PNPO: variants seen among roughly 807,000 people sequenced by gnomAD.
PNPO encodes pyridoxamine 5'-phosphate oxidase.
In PNPO, 39 loss-of-function variants were observed where a neutral mutation model predicts 35.0. The ratio of observed to expected loss-of-function variants is 1.11; its 90% CI spans 0.86 to 1.45. The LOEUF is 1.45. PNPO is among the 40% of genes most tolerant of loss of function. The pLI is 0.00. For missense variants in PNPO, 288 were observed against 340.0 expected, an observed-to-expected ratio of 0.85 and a Z score of 1.20; for synonymous variants, 115 against 119.8, an observed-to-expected ratio of 0.96 and a Z score of 0.26.
intron 1 of PNPO, chr17:47,942,167 T>G: frequency 8.0e-6 from 4 of 498,874 alleles, no homozygotes; most frequent in African/African-American, 4.0e-5. Flanking sequence ...TGGTCTAAGA[T>G]GTTTGTAAAG....
Position 47,946,328 on chromosome 17 carries a change from G to A in PNPO, c.552G>A (p.Leu184=), listed in dbSNP as rs4378657. ...QSSVIPDREY[L]RKKNEELEQL... ...TAACTCTTCCCCCTGGACAGTATCT[G>A]AGAAAGAAAAATGAGGAACTGGAAC... Residue 184 remains leucine, a synonymous_variant, in exon 6 of 7, where the codon CTG becomes CTA. Transcript: ENST00000642017. 118,836 of 1,610,284 alleles carry A rather than the reference G, an allele frequency of 0.074. 4,933 individuals are homozygous for A. Among genetic ancestry groups the A allele is most frequent in the Middle Eastern group, 0.1 (607 of 6,050 alleles).
In PNPO at chr17:47,945,752, G is replaced by A. The variant is rs576445502; in HGVS notation, c.418-109G>A. On this transcript the variant is annotated intron_variant, in intron 4 of 6. Transcript: ENST00000642017. The surrounding 1 kb of genome is among the most constrained non-coding windows in gnomAD (Gnocchi z 4.0). Reference sequence around the variant, plus strand: ...CCTCTAAAATAGCCCTCAGTTAGTTGGAGCCAAGAGTGGTGGGGCAGCCGA... The same window carrying A: ...CCTCTAAAATAGCCCTCAGTTAGTTAGAGCCAAGAGTGGTGGGGCAGCCGA... 2.3e-5 allele frequency: 34 copies of A among 1,497,716 alleles called. No homozygotes were observed. In the South Asian group the frequency reaches 3.0e-4, roughly 13 times the overall value. The allele number at this position is 1,497,716 out of a possible 1,614,324, so 92.8% of individuals were successfully genotyped here. A position where few individuals can be genotyped will look rare whatever the true frequency, so the allele number is the denominator to read the frequency against.
rs565690260 is a variant in PNPO, at chr17:47,945,470, G to A, written c.364-89G>A. 7 of 977,088 alleles carry A rather than the reference G, an allele frequency of 7.2e-6. No individual in the cohort carries two copies. The highest frequency in any genetic ancestry group is 3.4e-5 in the Admixed American group (2 of 59,192). 60.5% of individuals were successfully genotyped at this position (977,088 alleles called of 1,614,324 possible). A position where few individuals can be genotyped will look rare whatever the true frequency, so the allele number is the denominator to read the frequency against. Reference sequence around the variant, plus strand: ...GTGGGTGCATCTGCTGTGGGCCTGCGCACTACAGCTCTCCTGCCTTTTCCC... The same window carrying A: ...GTGGGTGCATCTGCTGTGGGCCTGCACACTACAGCTCTCCTGCCTTTTCCC... On this transcript the variant is annotated intron_variant, in intron 3 of 6. Coordinates refer to ENST00000642017, the MANE Select transcript of PNPO (RefSeq NM_018129.4). The surrounding 1 kb of genome is among the most constrained non-coding windows in gnomAD (Gnocchi z 4.0).
At position 47,947,065 on chromosome 17, in the gene PNPO, G is replaced by A; in HGVS notation, c.*283G>A. On this transcript the variant is annotated 3_prime_UTR_variant, in exon 7 of 7. Transcript: ENST00000642017. ...TTGATTAGGATAGCTCCCTCTAGGG[G>A]TAGCAGCCGGTGTGACTCCCTTTCT... The A allele has an allele frequency of 2.4e-6, 1 of 412,900 alleles. No individual in the cohort carries two copies. Among genetic ancestry groups the A allele is most frequent in the South Asian group, 2.4e-5 (1 of 41,892 alleles). The allele number at this position is 412,900 out of a possible 1,614,324, so 25.6% of individuals were successfully genotyped here.
At position 47,948,971 on chromosome 17, in the gene PNPO, CTA is replaced by C. The variant is rs1050930604; in HGVS notation, c.*2191_*2192del. On this transcript the variant is annotated 3_prime_UTR_variant, in exon 7 of 7. Coordinates refer to ENST00000642017, the MANE Select transcript of PNPO (RefSeq NM_018129.4). ...CCTGCATGGACCTGTGCCTCAGTCA[CTA>C]TTATCCGCAGGCCTTCTCCAAGGGC... The C allele has an allele frequency of 4.6e-5, 7 of 152,400 alleles. No individual in the cohort carries two copies. The highest frequency in any genetic ancestry group is 7.3e-5 in the Non-Finnish European group (5 of 68,174). 9.4% of individuals were successfully genotyped at this position (152,400 alleles called of 1,614,324 possible). A position where few individuals can be genotyped will look rare whatever the true frequency, so the allele number is the denominator to read the frequency against.
chr17:47,946,042 C>T, intron 5 of PNPO, 53 bp downstream of exon 5: 1 of 1,606,770 alleles, frequency 6.2e-7, no homozygotes, highest in Non-Finnish European at 8.5e-7. Context: ...TGGCTTATCC[C>T]CAGAAGCTGT....
In PNPO at chr17:47,948,103, A is replaced by G. The variant is rs1567714838; in HGVS notation, c.*1321A>G. 6.6e-6 allele frequency: 1 copy of G among 152,208 alleles called. No homozygotes were observed. Among genetic ancestry groups the G allele is most frequent in the Non-Finnish European group, 1.5e-5 (1 of 68,032 alleles). The allele number at this position is 152,208 out of a possible 1,614,324, so 9.4% of individuals were successfully genotyped here. A position where few individuals can be genotyped will look rare whatever the true frequency, so the allele number is the denominator to read the frequency against. On this transcript the variant is annotated 3_prime_UTR_variant, in exon 7 of 7. Transcript: ENST00000642017. The stretch of plus-strand genomic sequence containing the variant: ...CCTGCCTGAGAAGGAGTGGGCTGTC[A>G]CTAGGAATTTTTATTCCCAGTCCGT...
intron 2 of PNPO, 32 bp from the exon 3 acceptor site, chr17:47,944,582 ACT>A: frequency 6.6e-7 from 1 of 1,522,448 alleles, no homozygotes; most frequent in Non-Finnish European, 9.1e-7. Flanking sequence ...ATTGAAGCAG[ACT>A]CTGACCACAG....
Position 47,946,634 on chromosome 17 carries a change from C to T in PNPO, c.638C>T (p.Pro213Leu). 6.2e-7 allele frequency: 1 copy of T among 1,614,222 alleles called. No homozygotes were observed. The highest frequency in any genetic ancestry group is 8.5e-7 in the Non-Finnish European group (1 of 1,180,038). ...PKSWGGYVLYPQVMEFWQGQT... is the reference protein window; with the variant it reads ...PKSWGGYVLYLQVMEFWQGQT... ...TATAGGGGTGGCTATGTCCTGTACCCTCAGGTGATGGAGTTCTGGCAAGGT... is the reference window on the plus strand; with the variant it reads ...TATAGGGGTGGCTATGTCCTGTACCTTCAGGTGATGGAGTTCTGGCAAGGT... Residue 213 changes from proline to leucine, a missense_variant, in exon 7 of 7, where the codon CCT (proline) becomes CTT (leucine). Pro to Leu is a moderately conservative substitution (Grantham distance 98, BLOSUM62 -3). Coordinates refer to ENST00000642017, the MANE Select transcript of PNPO (RefSeq NM_018129.4).
In PNPO at chr17:47,941,737, AC is replaced by A. The variant is rs1158585311; in HGVS notation, c.64del (p.Leu22SerfsTer32). The A allele has an allele frequency of 6.4e-7, 1 of 1,553,378 alleles. No individual in the cohort carries two copies. Among genetic ancestry groups the A allele is most frequent in the African/African-American group, 1.4e-5 (1 of 73,244 alleles). On this transcript the variant is annotated frameshift_variant, in exon 1 of 7. Transcript: ENST00000642017. LOFTEE classifies it high-confidence loss of function. ...GGGCGACCTGCCGAGTGGCCAGGCT[AC>A]CTCAGTCACCTGTGTGGTCGCAGTG... is the stretch of plus-strand genomic sequence containing the variant. ...TFGRPAEWPG[Y>X]LSHLCGRSAA... is the part of the protein sequence containing the mutation.
intron 5 of PNPO, 150 bp downstream of exon 5, chr17:47,946,139 A>T (rs752285797): frequency 5.1e-6 from 6 of 1,168,216 alleles, no homozygotes; most frequent in Non-Finnish European, 7.5e-6. Context: ...GAGAAGGGAA[A>T]GTGGGGGTAG....
intron 6 of PNPO, 99 bp from the exon 7 acceptor site, chr17:47,946,515 C>T (rs2036010922): frequency 4.8e-6 from 7 of 1,447,614 alleles, no homozygotes; most frequent in Non-Finnish European, 6.8e-6. Context: ...TGCATCCCAG[C>T]AACTTCCTTC....
chr17:47,943,853 A>C (rs1299291744), intron 2 of PNPO, among the ~76,000 whole-genome samples: 1 of 152,178 alleles, frequency 6.6e-6, no homozygotes, highest in South Asian at 2.1e-4. Context: ...CTGTTATTCA[A>C]TTCTCCTCGA....
intron 1 of PNPO, among the ~76,000 whole-genome samples, chr17:47,942,946 A>G (rs2035960807): frequency 1.3e-5 from 2 of 152,302 alleles, no homozygotes; most frequent in South Asian, 4.1e-4. Flanking sequence ...ATAAATAAAT[A>G]AAAATGCAGT....
At chr17:47,944,966 A>G (rs2035989769) in intron 3 of PNPO, 1 of 548,448 alleles carries the variant, frequency 1.8e-6, no homozygotes, top group Non-Finnish European at 3.3e-6. Flanking sequence ...CTCCTCAGGA[A>G]GGCCTTCCTT....
chr17:47,945,346 A>G lies in PNPO; in HGVS notation c.364-213A>G. ...TTTGGAGTCCGACTGGCTTAAACTT[A>G]GCTCCACCACTTCCTGCAGGAACTT... is the stretch of plus-strand genomic sequence containing the variant. On this transcript the variant is annotated intron_variant, in intron 3 of 6. Transcript: ENST00000642017. This position sits in a 1 kb window ranked among gnomAD's most constrained non-coding sequence, Gnocchi z 4.0. 1 of 577,402 alleles carries G rather than the reference A, an allele frequency of 1.7e-6. No individual in the cohort carries two copies. Among genetic ancestry groups the G allele is most frequent in the Non-Finnish European group, 3.1e-6 (1 of 318,110 alleles). The allele number at this position is 577,402 out of a possible 1,614,324, so 35.8% of individuals were successfully genotyped here.
intron 1 of PNPO, 159 bp downstream of exon 1, chr17:47,941,972 C>A: frequency 7.4e-7 from 1 of 1,349,592 alleles, no homozygotes; most frequent in South Asian, 1.9e-5. Context: ...GAAAAGGGGG[C>A]TTCAAAGACA....
chr17:47,943,885 C>T (rs2035975256), intron 2 of PNPO, among the ~76,000 whole-genome samples: 1 of 152,186 alleles, frequency 6.6e-6, no homozygotes, highest in African/African-American at 2.4e-5. Flanking sequence ...GCCTTGTAGC[C>T]AGTGCTCTTG....
Position 47,945,465 on chromosome 17 carries a change from C to A in PNPO, c.364-94C>A. 3 of 933,288 alleles carry A rather than the reference C, an allele frequency of 3.2e-6. No individual in the cohort carries two copies. Among genetic ancestry groups the A allele is most frequent in the South Asian group, 2.6e-5 (2 of 77,096 alleles). The allele number at this position is 933,288 out of a possible 1,614,324, so 57.8% of individuals were successfully genotyped here. On this transcript the variant is annotated intron_variant, in intron 3 of 6. Coordinates refer to ENST00000642017, the MANE Select transcript of PNPO (RefSeq NM_018129.4). This position sits in a 1 kb window ranked among gnomAD's most constrained non-coding sequence, Gnocchi z 4.0. ...TTACGGTGGGTGCATCTGCTGTGGG[C>A]CTGCGCACTACAGCTCTCCTGCCTT... is the stretch of plus-strand genomic sequence containing the variant.
Sources: gnomAD v4.1 joint callset for allele counts (sites outside exome capture counted in the v4.1 genomes callset) on GRCh38, gnomAD v4.1.1 for gene constraint, Gnocchi (gnomAD v3.1) non-coding constraint, MANE v1.5 for transcripts, NCBI Gene and HGNC (gene_info 2026-07-23, HGNC 2026-07-21) for gene names.